SGCD: variants seen among roughly 807,000 people sequenced by gnomAD.
SGCD encodes delta-sarcoglycan.
SGCD carries 18 observed loss-of-function variants against 36.6 expected under a neutral mutation model. The observed-to-expected ratio is 0.49, with a 90% CI of 0.34 to 0.73. The LOEUF (loss-of-function observed/expected upper bound fraction) is 0.73. SGCD is among the 30% of genes least tolerant of loss of function. The pLI is 0.01. For missense variants in SGCD, 387 were observed against 346.7 expected, an observed-to-expected ratio of 1.12 and a Z score of -0.92; for synonymous variants, 133 against 130.6, an observed-to-expected ratio of 1.02 and a Z score of -0.12.
At chr5:155,956,111 T>TG (rs1757644546) in intron 1 of SGCD, among the ~76,000 whole-genome samples, 1 of 104,108 alleles carries the variant, frequency 9.6e-6, no homozygotes, top group Non-Finnish European at 2.0e-5. Context: ...CTCTTCTTGT[T>TG]TTTTTTTTTT....
intron 1 of SGCD, among the ~76,000 whole-genome samples, chr5:155,982,670 G>A (rs948083549): frequency 1.3e-5 from 2 of 152,128 alleles, no homozygotes; most frequent in African/African-American, 4.8e-5. Context: ...GGTTTCCCAG[G>A]CAGTAGAGTG....
chr5:156,046,165 T>A (rs1000196372), intron 1 of SGCD, among the ~76,000 whole-genome samples: 2 of 152,100 alleles, frequency 1.3e-5, no homozygotes, highest in Non-Finnish European at 2.9e-5. Context: ...CCTCAGTACA[T>A]CATCTCACTT....
upstream of SGCD, among the ~76,000 whole-genome samples, chr5:155,868,683 T>C (rs1755572031): frequency 6.6e-6 from 1 of 152,076 alleles, no homozygotes; most frequent in South Asian, 2.1e-4. Context: ...AAAAATGGCT[T>C]AAAGTAGATA....
At chr5:155,743,994 T>G in the SGCD span, among the ~76,000 whole-genome samples, 2 of 152,120 alleles carry the variant, frequency 1.3e-5, no homozygotes, top group Non-Finnish European at 2.9e-5. Context: ...TAAATCTTCT[T>G]TGGAGGAAAG....
At chr5:156,188,978 T>C (rs2127631456) in intron 3 of SGCD, among the ~76,000 whole-genome samples, 1 of 152,248 alleles carries the variant, frequency 6.6e-6, no homozygotes, top group East Asian at 1.9e-4. Context: ...CACTCTGTGG[T>C]TTTCCCAGTG....
intron 4 of SGCD, among the ~76,000 whole-genome samples, chr5:156,520,393 A>T (rs1437944792): frequency 1.3e-5 from 2 of 152,256 alleles, no homozygotes; most frequent in Non-Finnish European, 2.9e-5. Flanking sequence ...AAAACATTCC[A>T]TGCTTATGAA....
intron 1 of SGCD, among the ~76,000 whole-genome samples, chr5:156,091,320 A>G (rs1007991966): frequency 2.6e-5 from 4 of 152,206 alleles, no homozygotes; most frequent in Admixed American, 2.0e-4. Flanking sequence ...CCCTCTGTTC[A>G]GGGACCCTGC....
chr5:155,996,905 A>ACAGACAGGCAGG, intron 1 of SGCD, among the ~76,000 whole-genome samples: 1 of 151,846 alleles, frequency 6.6e-6, no homozygotes, highest in Non-Finnish European at 1.5e-5. Flanking sequence ...AGATAGATAG[A>ACAGACAGGCAGG]TAGACAGACA....
At chr5:155,891,556 C>CTATTTTTTTTTTTTTTTTTTTTTTT (rs1561640647) in intron 1 of SGCD, among the ~76,000 whole-genome samples, 1 of 16,562 alleles carries the variant, frequency 6.0e-5, no homozygotes, top group African/African-American at 2.7e-4. Context: ...AAAATAAATA[C>CTATTTTTTTTTTTTTTTTTTTTTTT]TCTTTTTTTT....
chr5:155,758,712 G>A, the SGCD span, among the ~76,000 whole-genome samples: 12 of 152,310 alleles, frequency 7.9e-5, no homozygotes, highest in Non-Finnish European at 1.6e-4. Context: ...AAGATCTGAA[G>A]TAGAACAGTT....
intron 4 of SGCD, among the ~76,000 whole-genome samples, chr5:156,553,297 A>C (rs1561774118): frequency 6.6e-6 from 1 of 152,198 alleles, no homozygotes; most frequent in East Asian, 1.9e-4. Flanking sequence ...GGGAACAAAC[A>C]TTCAAACCAT....
chr5:155,904,844 C>T (rs767545652), intron 1 of SGCD, among the ~76,000 whole-genome samples: 2 of 152,124 alleles, frequency 1.3e-5, no homozygotes, highest in African/African-American at 2.4e-5. Context: ...GCTATCATGC[C>T]ATGTTTAATC....
chr5:156,062,482 G>A (rs1044309589), intron 1 of SGCD, among the ~76,000 whole-genome samples: 1 of 119,462 alleles, frequency 8.4e-6, no homozygotes, highest in Non-Finnish European at 1.7e-5. Flanking sequence ...GGTATTTCTA[G>A]TTCTAGATCC....
chr5:156,247,507 G>A (rs1445203104), intron 3 of SGCD, among the ~76,000 whole-genome samples: 1 of 152,188 alleles, frequency 6.6e-6, no homozygotes, highest in African/African-American at 2.4e-5. Flanking sequence ...ATCTGAGAAA[G>A]AGACAGTAGT....
At chr5:155,942,326 G>GTGTGTATC (rs1307509032) in intron 1 of SGCD, among the ~76,000 whole-genome samples, 3 of 111,298 alleles carry the variant, frequency 2.7e-5, no homozygotes, top group Admixed American at 8.5e-5. Flanking sequence ...ATGTATGTAT[G>GTGTGTATC]TATGTATGTA....
intron 1 of SGCD, among the ~76,000 whole-genome samples, chr5:156,041,262 C>A (rs916370658): frequency 2.6e-5 from 4 of 152,182 alleles, no homozygotes; most frequent in African/African-American, 9.7e-5. Flanking sequence ...GTTGACTTAT[C>A]CACAGTCTAG....
At chr5:155,907,459 T>C (rs1756542897) in intron 1 of SGCD, among the ~76,000 whole-genome samples, 1 of 152,116 alleles carries the variant, frequency 6.6e-6, no homozygotes, top group Non-Finnish European at 1.5e-5. Context: ...GCAAAATAAA[T>C]TAAAAACCTT....
intron 3 of SGCD, among the ~76,000 whole-genome samples, chr5:156,229,275 TAC>T (rs772291105): frequency 7.3e-5 from 4 of 55,102 alleles, no homozygotes; most frequent in Admixed American, 3.9e-4. Flanking sequence ...TATATATACA[TAC>T]ATATATATAT....
intron 1 of SGCD, among the ~76,000 whole-genome samples, chr5:156,103,003 T>C (rs1761556897): frequency 6.6e-6 from 1 of 152,166 alleles, no homozygotes; most frequent in Non-Finnish European, 1.5e-5. Context: ...TAAAATGTGG[T>C]TTAATAATTT....
Sources: allele counts gnomAD v4.1 joint callset (sites outside exome capture counted in the v4.1 genomes callset), GRCh38; gene constraint gnomAD v4.1.1; transcripts MANE v1.5; gene names NCBI Gene and HGNC (gene_info 2026-07-23, HGNC 2026-07-21).